The following EFCAB6 variants were observed in gnomAD, a reference collection of about 807,000 sequenced individuals.
EFCAB6 encodes EF-hand calcium binding domain 6, also known as EF-hand calcium-binding domain-containing protein 6.
A neutral mutation model predicts 169.8 loss-of-function variants in EFCAB6; 156 were observed. That is an observed-to-expected ratio of 0.92 (90% confidence interval 0.81 to 1.05). EFCAB6 has a LOEUF of 1.05. Ranked by LOEUF, EFCAB6 falls within the 50% of genes least tolerant of loss-of-function variation. The pLI, the probability that EFCAB6 is intolerant of heterozygous loss-of-function variation, is 0.00. For synonymous variants in EFCAB6, 698 were observed against 676.4 expected (o/e 1.03, Z -0.50); for missense variants, 1,800 against 1,829.1 (o/e 0.98, Z 0.29).
chr22:43,784,050 C>T (rs2061922830), intron 2 of EFCAB6, among the ~76,000 whole-genome samples: 1 of 152,108 alleles, frequency 6.6e-6, no homozygotes, highest in Non-Finnish European at 1.5e-5. Flanking sequence ...GCCTGGGCAA[C>T]AGAGAAAACT....
intron 17 of EFCAB6, among the ~76,000 whole-genome samples, chr22:43,651,023 T>C (rs891812009): frequency 6.6e-6 from 1 of 152,188 alleles, no homozygotes; most frequent in Admixed American, 6.5e-5. Flanking sequence ...GACAATGCGA[T>C]AGAAAAGAAA....
intron 17 of EFCAB6, among the ~76,000 whole-genome samples, chr22:43,647,035 G>C (rs1026786616): frequency 6.6e-6 from 1 of 152,308 alleles, no homozygotes. Context: ...CTGCTGAGAG[G>C]TGTTGTTAGT....
At chr22:43,565,922 AG>A (rs1249498128) in intron 26 of EFCAB6, among the ~76,000 whole-genome samples, 1 of 152,150 alleles carries the variant, frequency 6.6e-6, no homozygotes, top group African/African-American at 2.4e-5. Flanking sequence ...TATTTTGATT[AG>A]CAAAGAAATT....
At chr22:43,562,088 G>A (rs992660443) in intron 26 of EFCAB6, among the ~76,000 whole-genome samples, 18 of 152,120 alleles carry the variant, frequency 1.2e-4, no homozygotes, top group Non-Finnish European at 5.9e-5. Flanking sequence ...AAAATGGAGT[G>A]CAGTCATATG....
At chr22:43,783,301 C>T (rs998757030) in intron 2 of EFCAB6, among the ~76,000 whole-genome samples, 6 of 152,086 alleles carry the variant, frequency 3.9e-5, no homozygotes, top group Non-Finnish European at 8.8e-5. Flanking sequence ...AATGAGATGT[C>T]GATAGGGACT....
chr22:43,636,869 C>T (rs772338568), intron 17 of EFCAB6, among the ~76,000 whole-genome samples: 1 of 152,092 alleles, frequency 6.6e-6, no homozygotes, highest in Non-Finnish European at 1.5e-5. Context: ...CTCAGCCTCC[C>T]AAAATGCTGA....
At chr22:43,547,259 C>A (rs545964003) in intron 27 of EFCAB6, among the ~76,000 whole-genome samples, 68 of 152,212 alleles carry the variant, frequency 4.5e-4, no homozygotes, top group Admixed American at 2.2e-3. Context: ...AGCTGCTAAC[C>A]CTACAGGCAG....
chr22:43,753,160 T>TG (rs1192480928), intron 6 of EFCAB6, among the ~76,000 whole-genome samples: 1 of 152,186 alleles, frequency 6.6e-6, no homozygotes, highest in East Asian at 1.9e-4. Flanking sequence ...CAGGTGTACC[T>TG]GATTCTCCAT....
At chr22:43,734,243 T>C (rs2060055268) in intron 7 of EFCAB6, among the ~76,000 whole-genome samples, 1 of 152,206 alleles carries the variant, frequency 6.6e-6, no homozygotes, top group Admixed American at 6.5e-5. Flanking sequence ...ACAAAGTTAA[T>C]ACTGAAGCAG....
intron 8 of EFCAB6, among the ~76,000 whole-genome samples, chr22:43,722,164 C>T (rs1180885541): frequency 6.6e-6 from 1 of 152,100 alleles, no homozygotes; most frequent in Non-Finnish European, 1.5e-5. Flanking sequence ...AATCACTAAT[C>T]ATCAGAGAAA....
At chr22:43,633,365 T>A (rs1013964337) in intron 18 of EFCAB6, among the ~76,000 whole-genome samples, 8 of 152,200 alleles carry the variant, frequency 5.3e-5, no homozygotes, top group African/African-American at 1.9e-4. Context: ...CTGGCCAACA[T>A]GGTGAAACCC....
intron 17 of EFCAB6, among the ~76,000 whole-genome samples, chr22:43,661,833 A>G (rs900686214): frequency 1.3e-5 from 2 of 152,152 alleles, no homozygotes; most frequent in Admixed American, 6.6e-5. Context: ...TAGTTCATAG[A>G]GTTGGCTGGG....
chr22:43,740,528 A>G (rs73174355), intron 6 of EFCAB6, among the ~76,000 whole-genome samples: 1 of 152,340 alleles, frequency 6.6e-6, no homozygotes, highest in Non-Finnish European at 1.5e-5. Flanking sequence ...CAATGTCATG[A>G]TGATTACAAT....
chr22:43,667,034 A>T (rs1409037559), intron 17 of EFCAB6, 70 bp downstream of exon 17: 25 of 1,523,126 alleles, frequency 1.6e-5, no homozygotes, highest in Non-Finnish European at 2.1e-5. Context: ...ATTGTCCTTT[A>T]AAGTATGTTA....
intron 11 of EFCAB6, among the ~76,000 whole-genome samples, chr22:43,687,154 C>T (rs1009306314): frequency 2.0e-5 from 3 of 152,206 alleles, no homozygotes; most frequent in Non-Finnish European, 4.4e-5. Flanking sequence ...CTTGCCGTGG[C>T]GGCCTGTGTG....
chr22:43,685,474 A>T (rs1028461280), intron 11 of EFCAB6, among the ~76,000 whole-genome samples: 1 of 152,208 alleles, frequency 6.6e-6, no homozygotes, highest in East Asian at 1.9e-4. Context: ...ATTTGACTCC[A>T]CAAAAATGCA....
chr22:43,550,487 T>C (rs1482547320), intron 27 of EFCAB6, among the ~76,000 whole-genome samples: 1 of 151,912 alleles, frequency 6.6e-6, no homozygotes, highest in East Asian at 1.9e-4. Flanking sequence ...GCCTAACCAA[T>C]ATGGTGAAAC....
intron 23 of EFCAB6, among the ~76,000 whole-genome samples, chr22:43,597,339 T>C (rs2052093106): frequency 1.3e-5 from 2 of 152,044 alleles, no homozygotes; most frequent in East Asian, 3.9e-4. Flanking sequence ...ATTTACAAAC[T>C]CCCCATCTGA....
chr22:43,766,566 G>A (rs897103022), intron 4 of EFCAB6, among the ~76,000 whole-genome samples: 1 of 152,102 alleles, frequency 6.6e-6, no homozygotes, highest in Non-Finnish European at 1.5e-5. Context: ...CCAGGCTGGA[G>A]TAAAGTGGCA....
Sources: gnomAD v4.1 joint callset for allele counts (sites outside exome capture counted in the v4.1 genomes callset) on GRCh38, gnomAD v4.1.1 for gene constraint, MANE v1.5 for transcripts, NCBI Gene and HGNC (gene_info 2026-07-23, HGNC 2026-07-21) for gene names.